Variants in PRKCH observed in about 807,000 individuals in gnomAD.
PRKCH encodes protein kinase C eta type.
PRKCH carries 28 observed loss-of-function variants against 82.5 expected under a neutral mutation model. The ratio of observed to expected loss-of-function variants is 0.34; its 90% CI spans 0.25 to 0.47. PRKCH has a LOEUF of 0.47. Ranked by LOEUF, PRKCH falls within the 20% of genes least tolerant of loss-of-function variation. The pLI is 1.00. For synonymous variants in PRKCH, 322 were observed against 327.4 expected, an observed-to-expected ratio of 0.98 and a Z score of 0.18; for missense variants, 705 against 881.8, an observed-to-expected ratio of 0.80 and a Z score of 2.54.
chr14:61,448,299 C>T (rs969418231), intron 4 of PRKCH, among the ~76,000 whole-genome samples: 2 of 151,884 alleles, frequency 1.3e-5, no homozygotes, highest in Non-Finnish European at 2.9e-5. Context: ...CATTTTTATA[C>T]TGCTTCATTG....
intron 1 of PRKCH, among the ~76,000 whole-genome samples, chr14:61,240,611 G>A (rs966694214): frequency 6.6e-6 from 1 of 151,886 alleles, no homozygotes; most frequent in Non-Finnish European, 1.5e-5. Flanking sequence ...AAAGGAAATG[G>A]TTCGGGGGTT....
At chr14:61,467,083 C>T (rs1019412101) in intron 9 of PRKCH, among the ~76,000 whole-genome samples, 6 of 152,068 alleles carry the variant, frequency 3.9e-5, no homozygotes, top group Admixed American at 6.6e-5. Context: ...TAAATATTAG[C>T]GAAGAAGTGG....
Position 61,198,448 on chromosome 14 carries a change from T to G in PRKCH, c.-19+10780T>G, listed in dbSNP as rs187266655. ...TACTTGTCCTTCAAAACTAGACTTG[T>G]GCTTTACCTCCCCTCCTTCCCTATG... On this transcript the variant is annotated intron_variant, in intron 1 of 3. Transcript: ENST00000555185. Among the ~76,000 whole-genome samples the G allele has an allele frequency of 1.7e-3, 259 of 152,334 alleles. 2 individuals carry two copies. The highest frequency in any genetic ancestry group is 3.0e-3 in the Non-Finnish European group (202 of 68,028).
chr14:61,481,447 C>T (rs150876517), intron 9 of PRKCH, among the ~76,000 whole-genome samples: 2 of 152,296 alleles, frequency 1.3e-5, no homozygotes, highest in African/African-American at 4.8e-5. Flanking sequence ...TAATGGGCAA[C>T]AAGGATGCAA....
At chr14:61,236,642 G>T (rs7155542) in intron 1 of PRKCH, among the ~76,000 whole-genome samples, 24,774 of 149,586 alleles carry the variant, frequency 0.17, 2,086 homozygotes, top group East Asian at 0.24. Context: ...GGGAGGGGGA[G>T]GTTGCAGCGA....
rs1044097848 is a variant in PRKCH, at chr14:61,497,680, T to G, written c.1433+12024T>G. On this transcript the variant is annotated intron_variant, in intron 10 of 13. Transcript: ENST00000332981. ...GCACCCAGTGATTCTGTGTTGATAT[T>G]ATAGGCTGTGGATATCCACATTGAA... 9.2e-5 allele frequency among the ~76,000 whole-genome samples: 14 copies of G among 152,208 alleles called. 1 individual carries two copies. The highest frequency in any genetic ancestry group is 3.4e-4 in the African/African-American group (14 of 41,434).
chr14:61,326,346 C>T (rs2045696498), intron 1 of PRKCH, among the ~76,000 whole-genome samples: 2 of 152,076 alleles, frequency 1.3e-5, no homozygotes, highest in South Asian at 2.1e-4. Context: ...CAAAAAAGTA[C>T]GGTTTCATTT....
intron 2 of PRKCH, among the ~76,000 whole-genome samples, chr14:61,415,993 C>A (rs568433037): frequency 6.6e-6 from 1 of 151,028 alleles, no homozygotes; most frequent in Admixed American, 6.6e-5. Context: ...AGGGTTCACC[C>A]GTGTGGTAGC....
Position 61,370,238 on chromosome 14 carries a change from C to T in PRKCH, c.364-20987C>T, listed in dbSNP as rs547414909. 9.9e-5 allele frequency among the ~76,000 whole-genome samples: 15 copies of T among 152,216 alleles called. 1 individual carries two copies. The highest frequency in any genetic ancestry group is 4.1e-4 in the South Asian group (2 of 4,828). On this transcript the variant is annotated intron_variant, in intron 1 of 13. Transcript: ENST00000332981. ...GATTACAGGCGTGAGCCACCGCACCCGGCCATGTGTGTTCTTTTAAAAACT... is the reference window on the plus strand; with the variant it reads ...GATTACAGGCGTGAGCCACCGCACCTGGCCATGTGTGTTCTTTTAAAAACT...
intron 2 of PRKCH, among the ~76,000 whole-genome samples, chr14:61,403,025 G>A (rs1391668736): frequency 1.3e-5 from 2 of 151,756 alleles, no homozygotes; most frequent in South Asian, 4.2e-4. Flanking sequence ...TATCCCTCCC[G>A]CCTCCCCACT....
At chr14:61,536,084 C>G (rs949722687) in intron 12 of PRKCH, among the ~76,000 whole-genome samples, 6 of 152,170 alleles carry the variant, frequency 3.9e-5, no homozygotes, top group African/African-American at 1.2e-4. Flanking sequence ...ACAGAAAGAG[C>G]TAATGATGTG....
intron 2 of PRKCH, among the ~76,000 whole-genome samples, chr14:61,398,121 T>C (rs1160357269): frequency 6.6e-6 from 1 of 152,230 alleles, no homozygotes; most frequent in African/African-American, 2.4e-5. Flanking sequence ...ATGTCAATCT[T>C]TATTCTAACT....
rs182501719 is a variant in PRKCH, at chr14:61,370,365, C to T, written c.364-20860C>T. 7.2e-5 allele frequency among the ~76,000 whole-genome samples: 11 copies of T among 152,170 alleles called. No individual in the cohort carries two copies. The East Asian group carries it at 1.7e-3, about 24-fold the overall frequency. ...CAGTGAAGGCAAACTACAGTGGTTG[C>T]CCAACTTTACTGGAGTCACCTGGAG... On this transcript the variant is annotated intron_variant, in intron 1 of 13. Transcript: ENST00000332981.
chr14:61,463,881 G>A (rs1330755203), intron 9 of PRKCH, among the ~76,000 whole-genome samples: 3 of 152,208 alleles, frequency 2.0e-5, no homozygotes, highest in African/African-American at 7.2e-5. Context: ...GTTGATCCAT[G>A]TTGCAAATGA....
rs57920054 is a variant in PRKCH, at chr14:61,528,973, C to CGTGTGTGTGTGTGTGTGTGT, written c.1434-88_1434-69dup. 1.9e-3 allele frequency: 1,054 copies of CGTGTGTGTGTGTGTGTGTGT among 567,220 alleles called. 15 individuals are homozygous for CGTGTGTGTGTGTGTGTGTGT. The African/African-American group carries it at 0.023, about 12-fold the overall frequency. The allele number at this position is 567,220 out of a possible 1,614,324, so 35.1% of individuals were successfully genotyped here. On this transcript the variant is annotated intron_variant, in intron 10 of 13. Transcript: ENST00000332981. ...GCTCATGCGGCCGCATGTGGCCGCA[C>CGTGTGTGTGTGTGTGTGTGT]GTGTGTGTGTGTGTGTGTGTGTGTG... is the stretch of plus-strand genomic sequence containing the variant.
intron 2 of PRKCH, among the ~76,000 whole-genome samples, chr14:61,407,108 T>G (rs969694041): frequency 2.0e-5 from 3 of 152,266 alleles, no homozygotes; most frequent in Admixed American, 6.5e-5. Flanking sequence ...TAGGGTAGTT[T>G]TAAGCAAGGA....
At chr14:61,259,936 C>T (rs1305767386) in intron 1 of PRKCH, among the ~76,000 whole-genome samples, 2 of 152,082 alleles carry the variant, frequency 1.3e-5, no homozygotes, top group Admixed American at 6.6e-5. Context: ...ATAAATTTGG[C>T]GTATAAGTGA....
At chr14:61,289,177 C>T (rs982173492) in intron 1 of PRKCH, among the ~76,000 whole-genome samples, 4 of 152,146 alleles carry the variant, frequency 2.6e-5, no homozygotes, top group Admixed American at 6.5e-5. Flanking sequence ...ACTGGGTGAG[C>T]AAATTCCTTA....
intron 10 of PRKCH, among the ~76,000 whole-genome samples, chr14:61,514,802 G>A (rs1031800417): frequency 3.3e-5 from 5 of 152,152 alleles, no homozygotes; most frequent in African/African-American, 1.2e-4. Context: ...TCTCCTCATG[G>A]ATATTGCATT....
Sources: gnomAD v4.1 joint callset for allele counts (sites outside exome capture counted in the v4.1 genomes callset) on GRCh38, gnomAD v4.1.1 for gene constraint, MANE v1.5 for transcripts, NCBI Gene and HGNC (gene_info 2026-07-23, HGNC 2026-07-21) for gene names.